TRPM2: variants seen among roughly 807,000 people sequenced by gnomAD.
The protein encoded by TRPM2 is estrogen-responsive element-associated gene 1 protein.
A neutral mutation model predicts 174.0 loss-of-function variants in TRPM2; 161 were observed. The observed-to-expected ratio is 0.93, with a 90% CI of 0.81 to 1.05. TRPM2 has a LOEUF of 1.05. Among genes scored for constraint, TRPM2 ranks in the 50% least tolerant of loss-of-function variants. TRPM2 has a pLI of 0.00. For synonymous variants in TRPM2, 954 were observed against 861.3 expected (o/e 1.11, Z -1.88); for missense variants, 2,057 against 2,038.0 (o/e 1.01, Z -0.18).
chr21:44,432,784 C>T lies in TRPM2; in HGVS notation c.3975-2347C>T, dbSNP rs2051072020. On this transcript the variant is annotated intron_variant, in intron 27 of 31. Coordinates refer to ENST00000397928, the MANE Select transcript of TRPM2 (RefSeq NM_003307.4). This position sits in a 1 kb window ranked among gnomAD's most constrained non-coding sequence, Gnocchi z 4.9. ...TTCAACCCATAGGCCAGCTCTCCAC[C>T]CCTCAACCCACCTGCATTTCTGGAG... Among the ~76,000 whole-genome samples the T allele has an allele frequency of 6.6e-6, 1 of 152,194 alleles. No homozygotes were observed. The highest frequency in any genetic ancestry group is 2.1e-4 in the South Asian group (1 of 4,824).
At chr21:44,357,521 G>T (rs894745579) in intron 2 of TRPM2, among the ~76,000 whole-genome samples, 1 of 152,234 alleles carries the variant, frequency 6.6e-6, no homozygotes, top group Non-Finnish European at 1.5e-5. Flanking sequence ...AGGGCAGGCT[G>T]CTGCGGCTCT....
chr21:44,426,782 G>T, intron 26 of TRPM2, 46 bp downstream of exon 26: 5 of 1,600,834 alleles, frequency 3.1e-6, no homozygotes, highest in Non-Finnish European at 4.3e-6. Flanking sequence ...CCCAAACCCA[G>T]GGCCTCCTAG....
In TRPM2 at chr21:44,424,922, C is replaced by T. The variant is rs761741435; in HGVS notation, c.3620C>T (p.Ala1207Val). The T allele has an allele frequency of 1.6e-5, 25 of 1,605,200 alleles. No individual in the cohort carries two copies. Among genetic ancestry groups the T allele is most frequent in the East Asian group, 2.2e-5 (1 of 44,608 alleles). Residue 1207 changes from alanine (A) to valine (V), a missense_variant, in exon 24 of 32, where the codon GCG becomes GTG. Physicochemically the swap from Ala to Val is moderately conservative, Grantham distance 64. Coordinates refer to ENST00000397928, the MANE Select transcript of TRPM2 (RefSeq NM_003307.4). ...CGGGCCAGCGGCTTCAGCTCGGAGG[C>T]GGACGTCCCCACTCTGGGTGAGTGG... ...TLRASGFSSE[A>V]DVPTLASQKA...
chr21:44,424,613 T>G (rs1339492212), intron 23 of TRPM2, among the ~76,000 whole-genome samples: 1 of 152,222 alleles, frequency 6.6e-6, no homozygotes, highest in Admixed American at 6.5e-5. Context: ...TTGGGGAGGC[T>G]GCACCATCAG....
chr21:44,381,060 T>C (rs1479406472), intron 8 of TRPM2, among the ~76,000 whole-genome samples: 2 of 151,890 alleles, frequency 1.3e-5, no homozygotes, highest in East Asian at 3.9e-4. Flanking sequence ...GCTCAGGATG[T>C]GTTTTGGAGT....
chr21:44,353,549 C>T, upstream of TRPM2: 1 of 998,442 alleles, frequency 1.0e-6, no homozygotes, highest in Non-Finnish European at 1.4e-6. Flanking sequence ...AAGCATGTGG[C>T]CAGGTCCTCT....
At chr21:44,365,178 T>C (rs565872375) in intron 3 of TRPM2, among the ~76,000 whole-genome samples, 5 of 150,260 alleles carry the variant, frequency 3.3e-5, no homozygotes, top group South Asian at 2.1e-4. Flanking sequence ...TTCTGAGACT[T>C]GCATGTTGAC....
intron 24 of TRPM2, chr21:44,425,221 TG>T (rs1288976809): frequency 2.3e-6 from 1 of 442,754 alleles, no homozygotes; most frequent in African/African-American, 2.0e-5. Flanking sequence ...CACTGCAGAG[TG>T]GGGGTGCGAG....
chr21:44,426,967 C>A, intron 26 of TRPM2, 43 bp from the exon 27 acceptor site: 1 of 1,541,454 alleles, frequency 6.5e-7, no homozygotes, highest in Non-Finnish European at 8.8e-7. Context: ...TCTGTCCCAC[C>A]TGCAACACGG....
chr21:44,378,999 C>G lies in TRPM2; in HGVS notation c.1017C>G (p.Thr339=). Residue 339 remains threonine (T), a splice_region_variant and synonymous_variant, in exon 8 of 32, where the codon ACC becomes ACG. Coordinates refer to ENST00000397928, the MANE Select transcript of TRPM2 (RefSeq NM_003307.4). ...TCACACCCCCACCTGCCTTGCAGAC[C>G]ATCGACAACGCCACCACCAACGGCA... ...VLEGGPGTLH[T]IDNATTNGTP... 1.9e-6 allele frequency: 3 copies of G among 1,604,256 alleles called. No individual in the cohort carries two copies. Among genetic ancestry groups the G allele is most frequent in the Non-Finnish European group, 2.5e-6 (3 of 1,179,466 alleles).
In TRPM2 at chr21:44,376,688, G is replaced by A. The variant is rs1395775697; in HGVS notation, c.952+675G>A. ...GAGGACGTCGGGAGGTCAAGTGCGG[G>A]GTTTTGCATATCACTTGAGGAGGGT... is the stretch of plus-strand genomic sequence containing the variant. On this transcript the variant is annotated intron_variant, in intron 6 of 31. Transcript: ENST00000397928. This position sits in a 1 kb window ranked among gnomAD's most constrained non-coding sequence, Gnocchi z 4.2. Among the ~76,000 whole-genome samples, 4 of 152,188 alleles carry A rather than the reference G, an allele frequency of 2.6e-5. No individual in the cohort carries two copies. The highest frequency in any genetic ancestry group is 9.7e-5 in the African/African-American group (4 of 41,446).
At chr21:44,426,577 T>A in intron 25 of TRPM2, 83 bp from the exon 26 acceptor site, 1 of 1,436,308 alleles carries the variant, frequency 7.0e-7, no homozygotes, top group South Asian at 1.1e-5. Context: ...CAGACCCAGC[T>A]GAGCAGCCCT....
At chr21:44,378,895 A>C in intron 7 of TRPM2, 102 bp from the exon 8 acceptor site, 4 of 1,268,516 alleles carry the variant, frequency 3.2e-6, no homozygotes, top group Non-Finnish European at 4.4e-6. Context: ...GAGTAGTGTT[A>C]GCCAGCTCTG....
intron 27 of TRPM2, among the ~76,000 whole-genome samples, chr21:44,429,686 C>T (rs1038334593): frequency 5.9e-5 from 9 of 151,972 alleles, no homozygotes; most frequent in African/African-American, 2.2e-4. Flanking sequence ...TAAACCTTCT[C>T]GTTAATTATA....
At chr21:44,427,154 G>T in intron 27 of TRPM2, 43 bp downstream of exon 27, 1 of 1,495,050 alleles carries the variant, frequency 6.7e-7, no homozygotes, top group Non-Finnish European at 9.0e-7. Context: ...AGCCTTTGGG[G>T]TTTGCCTGGG....
At position 44,427,079 on chromosome 21, in the gene TRPM2, C is replaced by A. The variant is rs111781929; in HGVS notation, c.3942C>A (p.His1314Gln). ...GCCTGAGGGACCGCCGGAGCTTCCA[C>A]GGGCCGTACACAGTGCAGGCCGGGT... Reference protein sequence around the residue: ...VDGLRDRRSFHGPYTVQAGLP... With the variant: ...VDGLRDRRSFQGPYTVQAGLP... Residue 1314 changes from histidine (H) to glutamine (Q), a missense_variant, in exon 27 of 32, where the codon CAC becomes CAA. Coordinates refer to ENST00000397928, the MANE Select transcript of TRPM2 (RefSeq NM_003307.4). 1.1e-5 allele frequency: 17 copies of A among 1,604,876 alleles called. No homozygotes were observed. Among genetic ancestry groups the A allele is most frequent in the Non-Finnish European group, 1.4e-5 (17 of 1,176,538 alleles).
At chr21:44,437,247 C>G (rs2051308787) in intron 29 of TRPM2, 80 bp downstream of exon 29, 2 of 1,354,366 alleles carry the variant, frequency 1.5e-6, no homozygotes, top group Non-Finnish European at 2.0e-6. Flanking sequence ...TGCCCACGGA[C>G]TGGACACCAG....
At chr21:44,440,933 G>A in intron 31 of TRPM2, 28 bp downstream of exon 31, 1 of 1,602,676 alleles carries the variant, frequency 6.2e-7, no homozygotes. Flanking sequence ...CTGGAGGCGG[G>A]AGTGGGGAGG....
chr21:44,371,907 C>T (rs993977582), intron 5 of TRPM2, among the ~76,000 whole-genome samples: 29 of 152,152 alleles, frequency 1.9e-4, no homozygotes, highest in Admixed American at 4.6e-4. Context: ...CTGAGATGGG[C>T]GGATCACTTG....
Sources: allele counts gnomAD v4.1 joint callset (sites outside exome capture counted in the v4.1 genomes callset), GRCh38; gene constraint gnomAD v4.1.1; non-coding constraint Gnocchi (gnomAD v3.1); transcripts MANE v1.5; gene names NCBI Gene and HGNC (gene_info 2026-07-23, HGNC 2026-07-21).